Variants in CSMD1 observed in about 807,000 individuals in gnomAD.
CSMD1 encodes the protein CUB and Sushi multiple domains 1, also known as CUB and sushi domain-containing protein 1.
Under a neutral mutation model 417.5 loss-of-function variants are expected in CSMD1, and 213 were observed. The ratio of observed to expected loss-of-function variants is 0.51; its 90% CI spans 0.46 to 0.57. The LOEUF (loss-of-function observed/expected upper bound fraction) is 0.57. Among genes scored for constraint, CSMD1 ranks in the 20% least tolerant of loss-of-function variants. The probability of loss-of-function intolerance (pLI) is 0.00; values close to 1 mark genes in which losing one functional copy is unlikely to be tolerated. For missense variants in CSMD1, 6,923 were observed against 4,529.7 expected (o/e 1.53, Z -15.17); for synonymous variants, 2,862 against 1,736.8 (o/e 1.65, Z -16.11).
chr8:3,252,618 A>G (rs967947842), intron 26 of CSMD1, among the ~76,000 whole-genome samples: 19 of 152,204 alleles, frequency 1.2e-4, no homozygotes, highest in African/African-American at 3.9e-4. Context: ...TATTGATTGA[A>G]TAGTTTCAGA....
rs185518529 is a variant in CSMD1, at chr8:3,513,655, A to G, written c.1345-19929T>C. On this transcript the variant is annotated intron_variant, in intron 10 of 69. Transcript: ENST00000635120. ...CTGCCACCATCATCTAAGACAGTCT[A>G]CCAGCCAATATGCCAGCAGGTCCAC... Among the ~76,000 whole-genome samples the G allele has an allele frequency of 1.4e-3, 215 of 152,302 alleles. 1 individual carries two copies. Among genetic ancestry groups the G allele is most frequent in the Admixed American group, 6.6e-3 (101 of 15,298 alleles).
rs573379470 is a variant in CSMD1 at position 3,769,264 on chromosome 8, A to G, written c.819-15222T>C. On this transcript the variant is annotated intron_variant, in intron 5 of 69. Transcript: ENST00000635120. ...GATCATCACCATGATTCTTCCATAT[A>G]TATCAGTAACAAACTATAGCTAAAT... Among the ~76,000 whole-genome samples, 13 of 152,316 alleles carry G rather than the reference A, an allele frequency of 8.5e-5. 1 individual carries two copies. In the South Asian group the frequency reaches 2.3e-3, roughly 27 times the overall value.
intron 30 of CSMD1, among the ~76,000 whole-genome samples, chr8:3,207,423 G>A (rs991683390): frequency 6.6e-6 from 1 of 151,568 alleles, no homozygotes; most frequent in Non-Finnish European, 1.5e-5. Context: ...GATTACAAAC[G>A]TGAGCCACTG....
intron 36 of CSMD1, among the ~76,000 whole-genome samples, chr8:3,187,285 C>G (rs150103515): frequency 1.3e-5 from 2 of 152,168 alleles, no homozygotes; most frequent in Non-Finnish European, 2.9e-5. Flanking sequence ...TAAACAAAAG[C>G]AAAATTGAGA....
At chr8:4,442,174 G>A (rs1429006291) in intron 2 of CSMD1, among the ~76,000 whole-genome samples, 3 of 152,100 alleles carry the variant, frequency 2.0e-5, no homozygotes, top group Non-Finnish European at 4.4e-5. Context: ...TTCAAATGCA[G>A]GCAAAGTGAC....
chr8:3,280,587 A>G (rs1290316813), intron 26 of CSMD1, among the ~76,000 whole-genome samples: 1 of 152,184 alleles, frequency 6.6e-6, no homozygotes, highest in Admixed American at 6.5e-5. Context: ...TTAACTAGTG[A>G]TAGGGTTGGA....
At chr8:4,803,796 G>A (rs1393960325) in intron 1 of CSMD1, among the ~76,000 whole-genome samples, 1 of 151,848 alleles carries the variant, frequency 6.6e-6, no homozygotes, top group Middle Eastern at 3.4e-3. Flanking sequence ...CTCTTTGTTG[G>A]TGCTCTACAT....
intron 3 of CSMD1, among the ~76,000 whole-genome samples, chr8:4,296,760 A>C (rs561078003): frequency 7.8e-6 from 1 of 127,710 alleles, no homozygotes; most frequent in African/African-American, 2.9e-5. Flanking sequence ...CTGTATAATG[A>C]TTTCTAAATA....
At position 3,930,397 on chromosome 8, in the gene CSMD1, T is replaced by C. The variant is rs570542288; in HGVS notation, c.818+67506A>G. Among the ~76,000 whole-genome samples, 97 of 150,786 alleles carry C rather than the reference T, an allele frequency of 6.4e-4. 5 individuals carry two copies. Among genetic ancestry groups the C allele is most frequent in the African/African-American group, 2.2e-3 (92 of 40,978 alleles). ...TAGCTCACACAACTTAGCCCTGGCA[T>C]GCTTATACTGGTCCAAGCAAGCATT... On this transcript the variant is annotated intron_variant, in intron 5 of 69. Transcript: ENST00000635120.
chr8:4,228,558 G>C (rs1487415155), intron 3 of CSMD1, among the ~76,000 whole-genome samples: 1 of 143,778 alleles, frequency 7.0e-6, no homozygotes. Context: ...TGTACTTTTA[G>C]TATCCTTGGC....
At chr8:3,249,074 C>A (rs991797458) in intron 26 of CSMD1, among the ~76,000 whole-genome samples, 2 of 152,072 alleles carry the variant, frequency 1.3e-5, no homozygotes, top group Admixed American at 1.3e-4. Context: ...AGTGGGTTCT[C>A]AAAAAATGTT....
At chr8:3,971,035 G>T (rs1363912540) in intron 5 of CSMD1, among the ~76,000 whole-genome samples, 1 of 152,192 alleles carries the variant, frequency 6.6e-6, no homozygotes, top group Non-Finnish European at 1.5e-5. Flanking sequence ...TTAGGCATGA[G>T]TCACCGCGCC....
chr8:3,486,359 T>C (rs1003007873), intron 11 of CSMD1, among the ~76,000 whole-genome samples: 1 of 152,202 alleles, frequency 6.6e-6, no homozygotes, highest in Non-Finnish European at 1.5e-5. Context: ...GCACTGTAAA[T>C]GCATGCATCT....
intron 8 of CSMD1, among the ~76,000 whole-genome samples, chr8:3,606,229 G>T (rs913204460): frequency 6.6e-6 from 1 of 152,134 alleles, no homozygotes; most frequent in South Asian, 2.1e-4. Context: ...AGGCCAGGAT[G>T]CAGTGTGAGA....
chr8:3,916,951 C>T (rs138040564), intron 5 of CSMD1, among the ~76,000 whole-genome samples: 236 of 152,230 alleles, frequency 1.6e-3, no homozygotes, highest in Non-Finnish European at 2.5e-3. Flanking sequence ...GCTGCTCCTT[C>T]TCCTCCAATT....
intron 2 of CSMD1, among the ~76,000 whole-genome samples, chr8:4,506,505 A>G (rs1181390362): frequency 1.3e-5 from 2 of 152,036 alleles, no homozygotes; most frequent in Non-Finnish European, 2.9e-5. Flanking sequence ...ACAATGGCGG[A>G]TGGCAGGAGG....
chr8:3,479,535 C>T (rs2117236136), intron 11 of CSMD1, among the ~76,000 whole-genome samples: 1 of 152,290 alleles, frequency 6.6e-6, no homozygotes, highest in East Asian at 1.9e-4. Flanking sequence ...CCACCTCGGC[C>T]CCCCAAAGTG....
At chr8:4,076,630 T>C (rs1464128948) in intron 3 of CSMD1, among the ~76,000 whole-genome samples, 1 of 152,216 alleles carries the variant, frequency 6.6e-6, no homozygotes, top group Non-Finnish European at 1.5e-5. Context: ...CTGTTACCTT[T>C]ATTATAAGGA....
intron 3 of CSMD1, among the ~76,000 whole-genome samples, chr8:4,248,254 C>G (rs1031972704): frequency 6.6e-6 from 1 of 152,126 alleles, no homozygotes; most frequent in Non-Finnish European, 1.5e-5. Flanking sequence ...CAGGAACATT[C>G]AAGTCTTAAT....
Sources: allele counts gnomAD v4.1 joint callset (sites outside exome capture counted in the v4.1 genomes callset), GRCh38; gene constraint gnomAD v4.1.1; transcripts MANE v1.5; gene names NCBI Gene and HGNC (gene_info 2026-07-23, HGNC 2026-07-21).